Variants in C1orf54 observed in about 807,000 individuals in gnomAD.
C1orf54 encodes chromosome 1 open reading frame 54, also known as uncharacterized protein C1orf54.
A neutral mutation model predicts 14.7 loss-of-function variants in C1orf54; 12 were observed. That is an observed-to-expected ratio of 0.82 (90% CI 0.52 to 1.32). C1orf54 has a LOEUF of 1.32. Ranked by LOEUF, C1orf54 falls within the 40% of genes most tolerant of loss-of-function variation. The pLI is 0.00. For synonymous variants in C1orf54, 65 were observed against 56.3 expected (o/e 1.16, Z -0.70); for missense variants, 163 against 162.2 (o/e 1.00, Z -0.03).
At chr1:150,272,636 G>A (rs2101866076), upstream of C1orf54, 1 of 632,326 alleles carries the variant, frequency 1.6e-6, no homozygotes, top group East Asian at 2.8e-5. Flanking sequence ...GCTCTGGCTG[G>A]GGACCGGCAG....
At chr1:150,277,316 A>G (rs1572109939) in intron 4 of C1orf54, among the ~76,000 whole-genome samples, 1 of 152,068 alleles carries the variant, frequency 6.6e-6, no homozygotes, top group South Asian at 2.1e-4. Context: ...TCAATGGCCA[A>G]CATGGTGGAA....
rs1553852312 is a variant in C1orf54, at chr1:150,275,722, T to G, written c.131-19T>G. The G allele has an allele frequency of 6.3e-7, 1 of 1,592,492 alleles. No homozygotes were observed. The highest frequency in any genetic ancestry group is 8.6e-7 in the Non-Finnish European group (1 of 1,162,594). On this transcript the variant is annotated intron_variant, in intron 2 of 5. Transcript: ENST00000369099. Reference sequence around the variant, plus strand: ...TACATTTTTCTTTAATTATTACTGATTTTCTTTCTCCTCTGCAGATGACTT... The same window carrying G: ...TACATTTTTCTTTAATTATTACTGAGTTTCTTTCTCCTCTGCAGATGACTT...
downstream of C1orf54, chr1:150,280,921 G>A (rs1251450113): frequency 4.8e-5 from 73 of 1,536,058 alleles, no homozygotes; most frequent in Non-Finnish European, 6.4e-5. Flanking sequence ...AAATAATCTG[G>A]TTACCATCTA....
At chr1:150,269,346 A>T (rs183421478), upstream of C1orf54, 1 of 159,272 alleles carries the variant, frequency 6.3e-6, no homozygotes, top group Non-Finnish European at 1.4e-5. Context: ...GACAAATACA[A>T]AGAGAGCACA....
chr1:150,270,053 G>A (rs370910342), upstream of C1orf54, among the ~76,000 whole-genome samples: 3 of 152,186 alleles, frequency 2.0e-5, no homozygotes, highest in African/African-American at 7.2e-5. Flanking sequence ...GAAAAAGAAA[G>A]TTAAGTAGGA....
chr1:150,274,399 G>A (rs1450701408), intron 2 of C1orf54, among the ~76,000 whole-genome samples: 1 of 151,956 alleles, frequency 6.6e-6, no homozygotes, highest in East Asian at 1.9e-4. Flanking sequence ...AGGAGATCGA[G>A]ACCATCCTGG....
chr1:150,277,328 C>A (rs1399370880), intron 4 of C1orf54, among the ~76,000 whole-genome samples: 2 of 151,690 alleles, frequency 1.3e-5, no homozygotes, highest in Non-Finnish European at 2.9e-5. Flanking sequence ...ATGGTGGAAA[C>A]CCCATCTCTA....
At chr1:150,279,029 T>G (rs925829983) in intron 4 of C1orf54, among the ~76,000 whole-genome samples, 1 of 152,232 alleles carries the variant, frequency 6.6e-6, no homozygotes, top group African/African-American at 2.4e-5. Flanking sequence ...CCCAGCACTT[T>G]GGGAGCTGAG....
intron 4 of C1orf54, among the ~76,000 whole-genome samples, chr1:150,277,502 TAAAAAAA>T (rs71083896): frequency 9.7e-5 from 4 of 41,328 alleles, no homozygotes; most frequent in South Asian, 2.2e-3. Context: ...GACTCTATAC[TAAAAAAA>T]AAAAAAAAAA....
intron 2 of C1orf54, 54 bp from the exon 3 acceptor site, chr1:150,275,687 G>A: frequency 7.1e-7 from 1 of 1,415,216 alleles, no homozygotes. Flanking sequence ...TTCATTTCCA[G>A]ATCTAGAGTT....
rs1482571047 is a variant in C1orf54, at chr1:150,274,269, G to A, written c.130+99G>A. ...TCTTCACTTTGAAGCAGAGCAATGG[G>A]GTCAGAGAAAAATCTGGCTATGAAC... On this transcript the variant is annotated intron_variant, in intron 2 of 5. Coordinates refer to ENST00000369099, the MANE Select transcript of C1orf54 (RefSeq NM_024579.4). The A allele has an allele frequency of 3.1e-5, 28 of 908,708 alleles. No homozygotes were observed. The African/African-American group carries it at 4.5e-4, about 15-fold the overall frequency. The allele number at this position is 908,708 out of a possible 1,614,324, so 56.3% of individuals were successfully genotyped here.
chr1:150,270,522 A>C (rs1340794437), upstream of C1orf54, among the ~76,000 whole-genome samples: 2 of 152,128 alleles, frequency 1.3e-5, no homozygotes, highest in African/African-American at 4.8e-5. Flanking sequence ...GCGCACCTGT[A>C]GTCCCAGCTA....
upstream of C1orf54, chr1:150,272,716 A>G: frequency 8.3e-7 from 1 of 1,202,838 alleles, no homozygotes; most frequent in Non-Finnish European, 1.2e-6. Context: ...GAGTTGCTGC[A>G]GCTCCTTCCC....
At chr1:150,279,917 G>A (rs1302850851) in intron 5 of C1orf54, among the ~76,000 whole-genome samples, 176 bp downstream of exon 5, 1 of 152,178 alleles carries the variant, frequency 6.6e-6, no homozygotes, top group Non-Finnish European at 1.5e-5. Context: ...ACTTTGGGAT[G>A]GTGACGTGGG....
chr1:150,275,965 C>T (rs1553852373), intron 3 of C1orf54, among the ~76,000 whole-genome samples, 166 bp downstream of exon 3: 1 of 152,044 alleles, frequency 6.6e-6, no homozygotes, highest in Non-Finnish European at 1.5e-5. Flanking sequence ...GGTGAAACCC[C>T]GTCTCTACTA....
intron 1 of C1orf54, among the ~76,000 whole-genome samples, chr1:150,273,757 T>C (rs1652398167): frequency 6.6e-6 from 1 of 152,222 alleles, no homozygotes; most frequent in Non-Finnish European, 1.5e-5. Flanking sequence ...CTTGGCGTTT[T>C]TAATTCCTGG....
In C1orf54 at chr1:150,274,072, T is replaced by A; in HGVS notation, c.47-15T>A. On this transcript the variant is annotated splice_polypyrimidine_tract_variant and intron_variant, in intron 1 of 5. Transcript: ENST00000369099. ...GTTCCAGATGTCCCTTGACCTCTAGTCCTTGTCCCCATAGGACAAGAATAT... is the reference window on the plus strand; with the variant it reads ...GTTCCAGATGTCCCTTGACCTCTAGACCTTGTCCCCATAGGACAAGAATAT... 12 of 1,594,122 alleles carry A rather than the reference T, an allele frequency of 7.5e-6. No individual in the cohort carries two copies. The highest frequency in any genetic ancestry group is 1.1e-5 in the South Asian group (1 of 90,600).
chr1:150,276,479 A>C, intron 3 of C1orf54, 43 bp from the exon 4 acceptor site: 1 of 1,510,780 alleles, frequency 6.6e-7, no homozygotes, highest in East Asian at 2.3e-5. Context: ...TGTTGGATGG[A>C]AAAACTGATA....
upstream of C1orf54, among the ~76,000 whole-genome samples, chr1:150,270,995 CAAA>C (rs782157892): frequency 4.2e-5 from 4 of 94,594 alleles, no homozygotes; most frequent in Non-Finnish European, 6.0e-5. Flanking sequence ...GACTCCGTCT[CAAA>C]AAAAAAAAAA....
Sources: gnomAD v4.1 joint callset for allele counts (sites outside exome capture counted in the v4.1 genomes callset) on GRCh38, gnomAD v4.1.1 for gene constraint, MANE v1.5 for transcripts, NCBI Gene and HGNC (gene_info 2026-07-23, HGNC 2026-07-21) for gene names.